The following SDK1 variants were observed in gnomAD, a reference collection of about 807,000 sequenced individuals.
SDK1 encodes the protein sidekick cell adhesion molecule 1.
In SDK1, 157 loss-of-function variants were observed where a neutral mutation model predicts 245.5. The observed-to-expected ratio is 0.64, with a 90% confidence interval of 0.56 to 0.73. The LOEUF is 0.73. Among genes scored for constraint, SDK1 ranks in the 30% least tolerant of loss-of-function variants. The pLI is 0.00. For synonymous variants in SDK1, 1,647 were observed against 1,278.5 expected (o/e 1.29, Z -6.15); for missense variants, 3,583 against 3,002.3 (o/e 1.19, Z -4.52).
intron 4 of SDK1, among the ~76,000 whole-genome samples, chr7:3,675,835 G>C (rs1374427018): frequency 6.6e-6 from 1 of 152,044 alleles, no homozygotes; most frequent in Admixed American, 6.6e-5. Context: ...GTCTTCTTTT[G>C]AGAAGTATCT....
At chr7:4,167,826 G>A (rs1024096148) in intron 32 of SDK1, among the ~76,000 whole-genome samples, 50 of 152,234 alleles carry the variant, frequency 3.3e-4, no homozygotes, top group African/African-American at 1.2e-3. Context: ...CATCTGGCCA[G>A]ACTTCTGCCT....
chr7:3,913,587 C>T (rs985862653), intron 5 of SDK1, among the ~76,000 whole-genome samples: 1 of 152,102 alleles, frequency 6.6e-6, no homozygotes, highest in Non-Finnish European at 1.5e-5. Context: ...GCCACCGTGC[C>T]CGGCCCTGTT....
chr7:3,531,599 A>G (rs1783346070), intron 1 of SDK1, among the ~76,000 whole-genome samples: 1 of 152,196 alleles, frequency 6.6e-6, no homozygotes, highest in South Asian at 2.1e-4. Context: ...ATAGTCAAAA[A>G]TAAGTGATAC....
chr7:4,233,727 G>A (rs1334556785), intron 41 of SDK1, among the ~76,000 whole-genome samples: 1 of 152,284 alleles, frequency 6.6e-6, no homozygotes, highest in South Asian at 2.1e-4. Flanking sequence ...GAACATGTGG[G>A]TGGGGAGAGC....
At position 4,241,851 on chromosome 7, in the gene SDK1, C is replaced by A. The variant is rs374983758; in HGVS notation, c.6189C>A (p.Ala2063=). ...CCCTGGACAACGGAGGATTTGCTGC[C>A]CTGGAGCTCAGCAGCCGCCACCTCA... is the stretch of plus-strand genomic sequence containing the variant. ...SVTLDNGGFA[A]LELSSRHLNV... is the part of the protein sequence containing the mutation. Residue 2063 remains alanine (A), a synonymous_variant, in exon 43 of 45, where the codon GCC becomes GCA. Coordinates refer to ENST00000404826, the MANE Select transcript of SDK1 (RefSeq NM_152744.4). 9 of 1,614,094 alleles carry A rather than the reference C, an allele frequency of 5.6e-6. No individual in the cohort carries two copies. The highest frequency in any genetic ancestry group is 1.1e-5 in the South Asian group (1 of 91,074).
At chr7:4,086,108 G>T (rs1394391134) in intron 22 of SDK1, among the ~76,000 whole-genome samples, 2 of 151,898 alleles carry the variant, frequency 1.3e-5, no homozygotes, top group Non-Finnish European at 2.9e-5. Context: ...TTTCTTCCAC[G>T]GAAGGTGGCA....
intron 1 of SDK1, among the ~76,000 whole-genome samples, chr7:3,466,093 A>G (rs1780991925): frequency 6.6e-6 from 1 of 152,000 alleles, no homozygotes; most frequent in East Asian, 1.9e-4. Context: ...GTTACAGGAT[A>G]TGCCTTGACT....
chr7:3,786,787 T>C lies in SDK1; in HGVS notation c.714-34663T>C, dbSNP rs541410128. Among the ~76,000 whole-genome samples the C allele has an allele frequency of 2.6e-5, 4 of 152,216 alleles. No individual in the cohort carries two copies. In the South Asian group the frequency reaches 8.3e-4, roughly 32 times the overall value. On this transcript the variant is annotated intron_variant, in intron 4 of 44. Transcript: ENST00000404826. ...TGTGCCTGTGCTTTACAGTTTTCCT[T>C]TTTAAAACAAGTTTTGAGGAATACA... is the stretch of plus-strand genomic sequence containing the variant.
chr7:3,765,197 T>C (rs1645859731), intron 4 of SDK1, among the ~76,000 whole-genome samples: 1 of 152,160 alleles, frequency 6.6e-6, no homozygotes, highest in South Asian at 2.1e-4. Context: ...AAAAATCTAG[T>C]GCTTATTTTA....
At chr7:3,940,769 C>T (rs1014137086) in intron 5 of SDK1, among the ~76,000 whole-genome samples, 2 of 151,980 alleles carry the variant, frequency 1.3e-5, no homozygotes, top group Non-Finnish European at 2.9e-5. Context: ...TGCAGTGAGC[C>T]GAGATCATGC....
At chr7:4,051,091 A>G (rs1764832825) in intron 18 of SDK1, among the ~76,000 whole-genome samples, 1 of 139,966 alleles carries the variant, frequency 7.1e-6, no homozygotes, top group South Asian at 2.1e-4. Flanking sequence ...ATAGTATACT[A>G]TATGTGTATA....
chr7:3,484,054 G>T (rs1223373931), intron 1 of SDK1, among the ~76,000 whole-genome samples: 2 of 152,184 alleles, frequency 1.3e-5, no homozygotes, highest in African/African-American at 4.8e-5. Flanking sequence ...ATTTCTGTGT[G>T]TTGGGGATAC....
intron 4 of SDK1, among the ~76,000 whole-genome samples, chr7:3,674,480 G>C (rs935278369): frequency 2.6e-5 from 4 of 152,096 alleles, no homozygotes; most frequent in Admixed American, 2.6e-4. Context: ...CCTTTGCTGA[G>C]GCTGGTCTTT....
chr7:3,578,311 G>A (rs971576540), intron 1 of SDK1, among the ~76,000 whole-genome samples: 2 of 151,988 alleles, frequency 1.3e-5, no homozygotes, highest in African/African-American at 4.8e-5. Context: ...AGAACAGGGA[G>A]TAGGTCACAA....
chr7:3,491,754 C>G (rs1048161008), intron 1 of SDK1, among the ~76,000 whole-genome samples: 3 of 152,122 alleles, frequency 2.0e-5, no homozygotes, highest in African/African-American at 7.2e-5. Context: ...TTTAAATGAG[C>G]TGGAACAATA....
intron 5 of SDK1, among the ~76,000 whole-genome samples, chr7:3,941,900 C>T (rs539313776): frequency 6.8e-6 from 1 of 146,046 alleles, no homozygotes; most frequent in South Asian, 2.2e-4. Flanking sequence ...TTGGACAAGA[C>T]TTCATTCTTT....
chr7:3,688,063 A>C (rs955928191), intron 4 of SDK1, among the ~76,000 whole-genome samples: 3 of 152,204 alleles, frequency 2.0e-5, no homozygotes, highest in Non-Finnish European at 4.4e-5. Flanking sequence ...TTTTAATTGC[A>C]TTTAGGGAAG....
At chr7:4,133,601 C>A (rs766812956) in intron 28 of SDK1, among the ~76,000 whole-genome samples, 4 of 152,172 alleles carry the variant, frequency 2.6e-5, no homozygotes, top group Non-Finnish European at 2.9e-5. Context: ...AGGGGGCTGT[C>A]CACTCAGCCA....
chr7:4,268,708 T>C lies in SDK1; in HGVS notation c.*3324T>C. On this transcript the variant is annotated 3_prime_UTR_variant, in exon 45 of 45. Transcript: ENST00000404826. ...CTATCCTCCTGACGAGCAACCCGTC[T>C]GCGTACCTAAGTGTGGCTCCCCGTG... 7.3e-7 allele frequency: 1 copy of C among 1,367,886 alleles called. No individual in the cohort carries two copies. The highest frequency in any genetic ancestry group is 1.1e-5 in the South Asian group (1 of 88,054). 84.7% of individuals were successfully genotyped at this position (1,367,886 alleles called of 1,614,324 possible).
Sources: allele counts gnomAD v4.1 joint callset (sites outside exome capture counted in the v4.1 genomes callset), GRCh38; gene constraint gnomAD v4.1.1; transcripts MANE v1.5; gene names NCBI Gene and HGNC (gene_info 2026-07-23, HGNC 2026-07-21).